The following CLGN variants were observed in gnomAD, a reference collection of about 807,000 sequenced individuals.
The protein encoded by CLGN is testis tissue sperm-binding protein Li 79P.
In CLGN, 62 loss-of-function variants were observed where a neutral mutation model predicts 79.1. The ratio of observed to expected loss-of-function variants is 0.78; its 90% CI spans 0.64 to 0.97. The LOEUF is 0.97. Among genes scored for constraint, CLGN ranks in the 50% least tolerant of loss-of-function variants. CLGN has a pLI of 0.00. For synonymous variants in CLGN, 225 were observed against 224.7 expected (o/e 1.00, Z -0.01); for missense variants, 647 against 715.5 (o/e 0.90, Z 1.09).
chr4:140,400,284 TA>T, intron 7 of CLGN, 72 bp downstream of exon 7: 2 of 1,120,152 alleles, frequency 1.8e-6, no homozygotes, highest in Non-Finnish European at 2.6e-6. Context: ...TGTTTTCTTG[TA>T]AAGCACTTGC....
chr4:140,418,043 C>A (rs1459261792), intron 1 of CLGN, among the ~76,000 whole-genome samples: 1 of 151,682 alleles, frequency 6.6e-6, no homozygotes, highest in East Asian at 1.9e-4. Context: ...TCAGAAATAA[C>A]GCCGCATATC....
chr4:140,401,691 A>G (rs1281058400), intron 6 of CLGN, among the ~76,000 whole-genome samples: 1 of 152,164 alleles, frequency 6.6e-6, no homozygotes, highest in Non-Finnish European at 1.5e-5. Context: ...CTGTAAAGAA[A>G]ATAACTCTAA....
intron 1 of CLGN, among the ~76,000 whole-genome samples, chr4:140,422,136 A>G (rs868301282): frequency 1.7e-4 from 26 of 152,316 alleles, no homozygotes; most frequent in African/African-American, 5.8e-4. Flanking sequence ...CCATTGATAT[A>G]TATGTCTGTC....
At chr4:140,419,085 C>T (rs1173037557) in intron 1 of CLGN, among the ~76,000 whole-genome samples, 3 of 152,004 alleles carry the variant, frequency 2.0e-5, no homozygotes, top group Non-Finnish European at 4.4e-5. Context: ...ACATCATTCT[C>T]AGTAAACTAT....
At chr4:140,415,798 A>G (rs1729316577) in intron 1 of CLGN, among the ~76,000 whole-genome samples, 1 of 96,332 alleles carries the variant, frequency 1.0e-5, no homozygotes, top group Non-Finnish European at 2.1e-5. Flanking sequence ...TCAATGAGAC[A>G]GAAAGTCAAC....
At chr4:140,393,238 C>T (rs888313892) in intron 11 of CLGN, among the ~76,000 whole-genome samples, 2 of 151,814 alleles carry the variant, frequency 1.3e-5, no homozygotes, top group East Asian at 3.9e-4. Flanking sequence ...AACAAGAATC[C>T]CTCTTCACCT....
intron 10 of CLGN, among the ~76,000 whole-genome samples, chr4:140,394,876 C>T (rs1728839028): frequency 6.6e-6 from 1 of 151,908 alleles, no homozygotes; most frequent in Non-Finnish European, 1.5e-5. Context: ...CAAAAGATGT[C>T]GATTGATATC....
At chr4:140,414,290 C>T (rs12800830) in intron 1 of CLGN, among the ~76,000 whole-genome samples, 4,322 of 152,000 alleles carry the variant, frequency 0.028, 206 homozygotes, top group African/African-American at 0.098. Flanking sequence ...AAAAGCAGAG[C>T]GCCTCTCCTC....
At chr4:140,395,125 C>G (rs1330945822) in intron 10 of CLGN, among the ~76,000 whole-genome samples, 4 of 151,082 alleles carry the variant, frequency 2.6e-5, no homozygotes, top group Non-Finnish European at 4.4e-5. Flanking sequence ...TGCAGTGAGC[C>G]AAGATCACGC....
chr4:140,394,915 C>T (rs116564445), intron 10 of CLGN, among the ~76,000 whole-genome samples: 4,925 of 152,216 alleles, frequency 0.032, 113 homozygotes, highest in Middle Eastern at 0.054. Flanking sequence ...GGTTCGGTGG[C>T]TTACTTCTGT....
intron 7 of CLGN, among the ~76,000 whole-genome samples, chr4:140,399,318 C>T (rs930936335): frequency 6.6e-6 from 1 of 152,114 alleles, no homozygotes; most frequent in African/African-American, 2.4e-5. Flanking sequence ...GGACTCATAA[C>T]GAGTCAGCTT....
chr4:140,422,443 T>C (rs2126635580), intron 1 of CLGN, among the ~76,000 whole-genome samples: 1 of 152,356 alleles, frequency 6.6e-6, no homozygotes, highest in Non-Finnish European at 1.5e-5. Context: ...TTCAGCAGCA[T>C]TTCATAATTT....
chr4:140,406,232 A>G lies in CLGN; in HGVS notation c.278-149T>C, dbSNP rs952227439. 2.3e-5 allele frequency: 15 copies of G among 661,180 alleles called. No individual in the cohort carries two copies. In the East Asian group the frequency reaches 4.3e-4, roughly 19 times the overall value. 41.0% of individuals were successfully genotyped at this position (661,180 alleles called of 1,614,324 possible). A position where few individuals can be genotyped will look rare whatever the true frequency, so the allele number is the denominator to read the frequency against. On this transcript the variant is annotated intron_variant, in intron 4 of 14. Coordinates refer to ENST00000325617, the MANE Select transcript of CLGN (RefSeq NM_004362.3). ...AATCAGGAAATATCTTCAACTATAT[A>G]TGTATGCCTGCTCATTTATCTTTTT...
At chr4:140,409,943 G>T in intron 3 of CLGN, 48 bp from the exon 4 acceptor site, 2 of 1,278,998 alleles carry the variant, frequency 1.6e-6, no homozygotes, top group South Asian at 2.6e-5. Flanking sequence ...AATAAAAGCA[G>T]CAATTTATAG....
intron 1 of CLGN, chr4:140,426,731 T>G (rs1240997989): frequency 6.6e-6 from 1 of 152,298 alleles, no homozygotes; most frequent in East Asian, 1.9e-4. Flanking sequence ...TGAGCTTTGG[T>G]TGCCATTTGC....
At chr4:140,407,264 C>T (rs1317213019) in intron 4 of CLGN, among the ~76,000 whole-genome samples, 2 of 151,932 alleles carry the variant, frequency 1.3e-5, no homozygotes, top group African/African-American at 4.8e-5. Flanking sequence ...TTGTAGTTTG[C>T]CTCTCGCCCC....
At chr4:140,405,848 A>G in intron 5 of CLGN, 94 bp downstream of exon 5, 1 of 1,284,646 alleles carries the variant, frequency 7.8e-7, no homozygotes, top group Non-Finnish European at 1.1e-6. Context: ...GAAGATCTAG[A>G]TTTTCACATC....
chr4:140,396,939 A>ATT (rs1455503115), intron 8 of CLGN, among the ~76,000 whole-genome samples: 1 of 144,140 alleles, frequency 6.9e-6, no homozygotes, highest in Admixed American at 7.1e-5. Flanking sequence ...ATATATATAT[A>ATT]CACATAGCTT....
In CLGN at chr4:140,392,591, C is replaced by A; in HGVS notation, c.1486G>T (p.Val496Leu). ...LITSFCWPRK[V>L]KKKHKDTEYK... ...AGGAAATCCATTTTCTTTACCTTTA[C>A]TTTTCTTGGCCAACAAAATGAAGTA... is the stretch of plus-strand genomic sequence containing the variant. Residue 496 changes from valine (V) to leucine (L), a missense_variant, in exon 12 of 15, where the codon GTA becomes TTA. Transcript: ENST00000325617. The A allele has an allele frequency of 6.3e-7, 1 of 1,595,380 alleles. No individual in the cohort carries two copies. The highest frequency in any genetic ancestry group is 8.5e-7 in the Non-Finnish European group (1 of 1,174,506).
Sources: allele counts gnomAD v4.1 joint callset (sites outside exome capture counted in the v4.1 genomes callset), GRCh38; gene constraint gnomAD v4.1.1; transcripts MANE v1.5; gene names NCBI Gene and HGNC (gene_info 2026-07-23, HGNC 2026-07-21).